FCHSD2: variants seen among roughly 807,000 people sequenced by gnomAD.
The protein encoded by FCHSD2 is F-BAR and double SH3 domains protein 2.
A neutral mutation model predicts 108.1 loss-of-function variants in FCHSD2; 38 were observed. The ratio of observed to expected loss-of-function variants is 0.35; its 90% CI spans 0.27 to 0.46. The LOEUF is 0.46. Among genes scored for constraint, FCHSD2 ranks in the 20% least tolerant of loss-of-function variants. FCHSD2 has a pLI of 1.00. For synonymous variants in FCHSD2, 279 were observed against 314.7 expected (o/e 0.89, Z 1.20); for missense variants, 751 against 897.8 (o/e 0.84, Z 2.09).
intron 8 of FCHSD2, among the ~76,000 whole-genome samples, chr11:72,958,558 T>C (rs1051418727): frequency 6.6e-6 from 1 of 152,144 alleles, no homozygotes; most frequent in Non-Finnish European, 1.5e-5. Flanking sequence ...AAAACAGTTG[T>C]TGGATTCTAT....
intron 8 of FCHSD2, among the ~76,000 whole-genome samples, chr11:72,949,005 TCA>T (rs1361852522): frequency 5.9e-5 from 9 of 152,190 alleles, no homozygotes; most frequent in African/African-American, 2.2e-4. Flanking sequence ...TGCTAGATTT[TCA>T]CAGTCACTAG....
At chr11:72,974,807 T>TA (rs990373009) in intron 8 of FCHSD2, among the ~76,000 whole-genome samples, 52 of 145,416 alleles carry the variant, frequency 3.6e-4, no homozygotes, top group African/African-American at 5.0e-4. Flanking sequence ...AAGAGGGCAT[T>TA]AAAAAAAAAA....
chr11:72,880,942 T>C (rs537296963), intron 12 of FCHSD2, among the ~76,000 whole-genome samples: 12 of 147,064 alleles, frequency 8.2e-5, no homozygotes, highest in African/African-American at 3.0e-4. Context: ...CAAGAAAACA[T>C]AGGGGAAATG....
chr11:73,047,947 T>C (rs961441273), intron 3 of FCHSD2, among the ~76,000 whole-genome samples: 1 of 152,186 alleles, frequency 6.6e-6, no homozygotes, highest in African/African-American at 2.4e-5. Context: ...AAGTAATTTA[T>C]GTAGAGTGAT....
chr11:72,997,453 T>G (rs1857540067), intron 5 of FCHSD2, among the ~76,000 whole-genome samples: 2 of 152,130 alleles, frequency 1.3e-5, no homozygotes, highest in Admixed American at 1.3e-4. Flanking sequence ...TTATCCACAA[T>G]GTCCAATATT....
chr11:72,944,613 CCT>C (rs752442627), intron 8 of FCHSD2, among the ~76,000 whole-genome samples: 34 of 152,162 alleles, frequency 2.2e-4, no homozygotes, highest in Non-Finnish European at 3.5e-4. Flanking sequence ...TCAAATTGTC[CCT>C]GTTTGTAGAT....
At chr11:72,925,963 C>A (rs1454089080) in intron 8 of FCHSD2, among the ~76,000 whole-genome samples, 1 of 152,238 alleles carries the variant, frequency 6.6e-6, no homozygotes, top group African/African-American at 2.4e-5. Context: ...TGGATCCAAG[C>A]CTCCCTGTGC....
intron 2 of FCHSD2, among the ~76,000 whole-genome samples, chr11:73,118,665 A>G (rs1860660454): frequency 6.6e-6 from 1 of 152,166 alleles, no homozygotes; most frequent in African/African-American, 2.4e-5. Context: ...TCTCTTCATT[A>G]CTGATTTCTA....
Position 72,843,550 on chromosome 11 carries a change from C to A in FCHSD2, c.1444-18G>T. 1 of 1,595,366 alleles carries A rather than the reference C, an allele frequency of 6.3e-7. No homozygotes were observed. The highest frequency in any genetic ancestry group is 8.6e-7 in the Non-Finnish European group (1 of 1,163,204). On this transcript the variant is annotated intron_variant, in intron 14 of 19. Transcript: ENST00000409418. ...TGAGAAGCCTGCAGTGTAGGATGGT[C>A]ATGGACAAAATTAAAAAGGTTAGAT...
chr11:72,928,991 C>T (rs1053887103), intron 8 of FCHSD2, among the ~76,000 whole-genome samples: 1 of 151,734 alleles, frequency 6.6e-6, no homozygotes, highest in Non-Finnish European at 1.5e-5. Flanking sequence ...TTTGTCCTTG[C>T]GATAGTTTGC....
intron 12 of FCHSD2, among the ~76,000 whole-genome samples, chr11:72,879,605 A>G (rs1855038215): frequency 6.6e-6 from 1 of 152,222 alleles, no homozygotes; most frequent in Admixed American, 6.5e-5. Context: ...AGCTAAAAAT[A>G]TAACATTTGA....
intron 8 of FCHSD2, among the ~76,000 whole-genome samples, chr11:72,966,262 C>T (rs1856905005): frequency 6.6e-6 from 1 of 151,716 alleles, no homozygotes; most frequent in South Asian, 2.1e-4. Context: ...CGGGTTCATG[C>T]AATTCTCCTG....
intron 3 of FCHSD2, among the ~76,000 whole-genome samples, chr11:73,064,973 T>C (rs185632386): frequency 1.9e-4 from 29 of 152,062 alleles, no homozygotes; most frequent in African/African-American, 2.9e-4. Context: ...TTCCAAACAA[T>C]AGAAAAAGAG....
chr11:72,972,616 A>T (rs1857028327), intron 8 of FCHSD2, among the ~76,000 whole-genome samples: 1 of 152,248 alleles, frequency 6.6e-6, no homozygotes, highest in South Asian at 2.1e-4. Context: ...TTTCGAAATA[A>T]TTACTTTAGA....
intron 3 of FCHSD2, among the ~76,000 whole-genome samples, chr11:73,078,885 T>C (rs897223001): frequency 2.6e-5 from 4 of 151,738 alleles, no homozygotes; most frequent in African/African-American, 4.8e-5. Flanking sequence ...GCCTGGCTAA[T>C]TTTTTTTTAT....
chr11:72,962,430 AAG>A (rs972573663), intron 8 of FCHSD2, among the ~76,000 whole-genome samples: 1 of 152,244 alleles, frequency 6.6e-6, no homozygotes, highest in African/African-American at 2.4e-5. Flanking sequence ...AATAATTTTT[AAG>A]AGTGTAAAGA....
intron 2 of FCHSD2, among the ~76,000 whole-genome samples, chr11:73,100,563 A>G (rs1462243223): frequency 3.9e-5 from 6 of 152,070 alleles, no homozygotes. Context: ...GGGTTTCTCC[A>G]TGTTGGTCAG....
chr11:72,950,131 G>A (rs1020581453), intron 8 of FCHSD2, among the ~76,000 whole-genome samples: 13 of 152,012 alleles, frequency 8.6e-5, no homozygotes, highest in African/African-American at 3.1e-4. Flanking sequence ...ATGAATAAAG[G>A]TATTACTCAT....
intron 3 of FCHSD2, among the ~76,000 whole-genome samples, chr11:73,082,056 G>A (rs1371733776): frequency 6.6e-6 from 1 of 151,870 alleles, no homozygotes; most frequent in South Asian, 2.1e-4. Flanking sequence ...TACAAAAATC[G>A]GCTGGGCGCG....
Sources: gnomAD v4.1 joint callset for allele counts (sites outside exome capture counted in the v4.1 genomes callset) on GRCh38, gnomAD v4.1.1 for gene constraint, MANE v1.5 for transcripts, NCBI Gene and HGNC (gene_info 2026-07-23, HGNC 2026-07-21) for gene names.